The following EPHA1 variants were observed in gnomAD, a reference collection of about 807,000 sequenced individuals.
The protein encoded by EPHA1 is ephrin type-A receptor 1.
EPHA1 carries 92 observed loss-of-function variants against 110.1 expected under a neutral mutation model. That is an observed-to-expected ratio of 0.84 (90% confidence interval 0.71 to 0.99). The LOEUF is 0.99. Among genes scored for constraint, EPHA1 ranks in the 50% least tolerant of loss-of-function variants. The pLI is 0.00. For missense variants in EPHA1, 1,204 were observed against 1,285.4 expected (o/e 0.94, Z 0.97); for synonymous variants, 500 against 516.1 (o/e 0.97, Z 0.42).
Position 143,399,350 on chromosome 7 carries a change from T to A in EPHA1, c.899A>T (p.Gln300Leu). The change falls in exon 5 of 18, where the codon CAG becomes CTG. Residue 300 changes from glutamine (Q) to leucine (L), a missense_variant. Transcript: ENST00000275815. ...DTPHCLTCPQ[Q>L]STAESEGATI... ...GGCCCCCTCAGACTCAGCAGTGCTC[T>A]GCTGGGGGCACGTGAGACAATGGGG... The A allele has an allele frequency of 3.1e-6, 5 of 1,612,184 alleles. No homozygotes were observed. The highest frequency in any genetic ancestry group is 4.2e-6 in the Non-Finnish European group (5 of 1,179,378).
At position 143,393,764 on chromosome 7, in the gene EPHA1, G is replaced by C. The variant is rs1371180068; in HGVS notation, c.2603C>G (p.Ala868Gly). The C allele has an allele frequency of 2.5e-6, 4 of 1,613,324 alleles. No individual in the cohort carries two copies. The highest frequency in any genetic ancestry group is 3.3e-5 in the Admixed American group (2 of 59,892). ...LMKNCWAYDR[A>G]RRPHFQKLQA... ...AAGCTTCTGGAAGTGTGGCCGGCGG[G>C]CACGGTCATATGCCCAGCAGTTCTT... The change falls in exon 16 of 18, where the codon GCC becomes GGC. Residue 868 changes from alanine (A) to glycine (G), a missense_variant. Transcript: ENST00000275815. This position sits in a 1 kb window ranked among gnomAD's most constrained non-coding sequence, Gnocchi z 5.6.
At chr7:143,396,785 A>C (rs1805264348) in intron 10 of EPHA1, 1 of 396,880 alleles carries the variant, frequency 2.5e-6, no homozygotes, top group Non-Finnish European at 4.7e-6. Flanking sequence ...TGAGTTGCCC[A>C]ATCTTCTCAG....
intron 2 of EPHA1, among the ~76,000 whole-genome samples, chr7:143,404,691 A>T (rs1805499246): frequency 6.6e-6 from 1 of 152,070 alleles, no homozygotes; most frequent in African/African-American, 2.4e-5. Flanking sequence ...AACCTGAGTG[A>T]TCTTGTGCAA....
intron 2 of EPHA1, among the ~76,000 whole-genome samples, chr7:143,405,662 G>C (rs1805530069): frequency 6.6e-6 from 1 of 152,316 alleles, no homozygotes; most frequent in Non-Finnish European, 1.5e-5. Context: ...GGAGCCAGAA[G>C]TCTGACCTGC....
chr7:143,397,823 A>G (rs1191843013), intron 8 of EPHA1, 97 bp downstream of exon 8: 1 of 1,553,536 alleles, frequency 6.4e-7, no homozygotes, highest in South Asian at 1.2e-5. Flanking sequence ...GCATGTGTGT[A>G]GAGGAAGAGG....
chr7:143,395,136 C>T lies in EPHA1; in HGVS notation c.2130G>A (p.Leu710=). ...CCCTCCTCACCCTCAGGAAGGCATC[C>T]AGGGCTCCATTCTCCATAAATTCTG... The part of the protein sequence containing the change: ...IITEFMENGA[L]DAFLREREDQ... The change falls in exon 13 of 18, where the codon CTG becomes CTA. Residue 710 remains leucine, a synonymous_variant. Transcript: ENST00000275815. The surrounding 1 kb of genome is among the most constrained non-coding windows in gnomAD (Gnocchi z 4.7). 6.2e-7 allele frequency: 1 copy of T among 1,614,058 alleles called. No individual in the cohort carries two copies. Among genetic ancestry groups the T allele is most frequent in the South Asian group, 1.1e-5 (1 of 91,072 alleles).
At chr7:143,402,965 C>T (rs564754457) in intron 2 of EPHA1, among the ~76,000 whole-genome samples, 87 of 152,344 alleles carry the variant, frequency 5.7e-4, no homozygotes, top group African/African-American at 2.0e-3. Flanking sequence ...ACTTTCCAGA[C>T]CATTTTTCAA....
chr7:143,401,416 C>T lies in EPHA1; in HGVS notation c.340G>A (p.Gly114Arg), dbSNP rs530283884. ...RDCKSFPGGA[G>R]PLGCKETFNL... ...AAGGTCTCCTTGCAGCCCAGAGGCC[C>T]GGCTCCCCCAGGGAAACTCTTGCAG... The change falls in exon 3 of 18, where the codon GGG (glycine) becomes AGG (arginine). Residue 114 changes from glycine to arginine, a missense_variant. Transcript: ENST00000275815. The surrounding 1 kb of genome is among the most constrained non-coding windows in gnomAD (Gnocchi z 4.1). 4.2e-5 allele frequency: 67 copies of T among 1,614,124 alleles called. No individual in the cohort carries two copies. Among genetic ancestry groups the T allele is most frequent in the East Asian group, 3.8e-4 (17 of 44,878 alleles).
At chr7:143,399,233 G>A in intron 5 of EPHA1, 25 bp downstream of exon 5, 4 of 1,600,146 alleles carry the variant, frequency 2.5e-6, no homozygotes, top group Non-Finnish European at 3.4e-6. Context: ...CCTCCAGATG[G>A]CCACGCCCCA....
intron 3 of EPHA1, chr7:143,400,958 A>C: frequency 3.7e-6 from 1 of 269,150 alleles, no homozygotes; most frequent in Non-Finnish European, 7.2e-6. Flanking sequence ...CAGTGGCACA[A>C]TCATAGATCA....
In EPHA1 at chr7:143,394,865, CA is replaced by C; in HGVS notation, c.2294del (p.Val765GlyfsTer6). 1 of 1,614,150 alleles carries C rather than the reference CA, an allele frequency of 6.2e-7. No individual in the cohort carries two copies. The highest frequency in any genetic ancestry group is 2.2e-5 in the East Asian group (1 of 44,878). ...GGAGGCGAGTCAGGCCAAAGTCAGACACCTTGCAGCACAGGTTTTGATTCAC... is the reference window on the plus strand; with the variant it reads ...GGAGGCGAGTCAGGCCAAAGTCAGACCCTTGCAGCACAGGTTTTGATTCAC... ...ILVNQNLCCKVSDFGLTRLLD... is the reference protein window; with the variant it reads ...ILVNQNLCCKXSDFGLTRLLD... On this transcript the variant is annotated frameshift_variant, in exon 14 of 18. Coordinates refer to ENST00000275815, the MANE Select transcript of EPHA1 (RefSeq NM_005232.5). LOFTEE classifies it high-confidence loss of function.
rs763368841 is a variant in EPHA1, at chr7:143,395,152, A to G, written c.2114T>C (p.Met705Thr). The change falls in exon 13 of 18, where the codon ATG becomes ACG. Residue 705 changes from methionine (M) to threonine (T), a missense_variant. Physicochemically the swap from Met to Thr is moderately conservative, Grantham distance 81. Transcript: ENST00000275815. This position sits in a 1 kb window ranked among gnomAD's most constrained non-coding sequence, Gnocchi z 4.7. The stretch of plus-strand genomic sequence containing the variant: ...GAAGGCATCCAGGGCTCCATTCTCC[A>G]TAAATTCTGTGATGATCATGATCGG... ...RKPIMIITEF[M>T]ENGALDAFLR... 3 of 1,613,938 alleles carry G rather than the reference A, an allele frequency of 1.9e-6. No homozygotes were observed. The highest frequency in any genetic ancestry group is 2.5e-6 in the Non-Finnish European group (3 of 1,180,010).
In EPHA1 at chr7:143,395,969, C is replaced by A. The variant is rs1234003698; in HGVS notation, c.1897+416G>T. 1.3e-5 allele frequency among the ~76,000 whole-genome samples: 2 copies of A among 152,180 alleles called. No individual in the cohort carries two copies. Among genetic ancestry groups the A allele is most frequent in the African/African-American group, 4.8e-5 (2 of 41,442 alleles). ...CACTGAGATCCATTTCCTCTGGTGA[C>A]CCAAGGGAACAGGGCAGCCCAAGGA... On this transcript the variant is annotated intron_variant, in intron 11 of 17. Transcript: ENST00000275815. The surrounding 1 kb of genome is among the most constrained non-coding windows in gnomAD (Gnocchi z 4.7).
At chr7:143,394,775 T>G (rs1232018936) in intron 14 of EPHA1, 33 bp downstream of exon 14, 1 of 1,611,850 alleles carries the variant, frequency 6.2e-7, no homozygotes, top group African/African-American at 1.3e-5. Flanking sequence ...CGGGGCAATG[T>G]GAATGTGCAC....
In EPHA1 at chr7:143,395,233, GCCACACATCCTCCCT is replaced by G; in HGVS notation, c.2084-66_2084-52del. On this transcript the variant is annotated intron_variant, in intron 12 of 17. Transcript: ENST00000275815. The surrounding 1 kb of genome is among the most constrained non-coding windows in gnomAD (Gnocchi z 4.7). ...CTCAGAACCGGGCTTCCTGCCCTTGGCCACACATCCTCCCTCCACTTCCAGTGGTTTCACCCCTCT... is the reference window on the plus strand; with the variant it reads ...CTCAGAACCGGGCTTCCTGCCCTTGGCCACTTCCAGTGGTTTCACCCCTCT... 6.2e-7 allele frequency: 1 copy of G among 1,612,886 alleles called. No homozygotes were observed. The highest frequency in any genetic ancestry group is 8.5e-7 in the Non-Finnish European group (1 of 1,179,874).
Position 143,401,616 on chromosome 7 carries a change from G to A in EPHA1, c.151-11C>T. 10 of 1,605,124 alleles carry A rather than the reference G, an allele frequency of 6.2e-6. No individual in the cohort carries two copies. Among genetic ancestry groups the A allele is most frequent in the Non-Finnish European group, 8.5e-6 (10 of 1,172,682 alleles). ...TTGCTGTTCACTCCACTGCAAGGAG[G>A]AAATCAGAGTCAGGGACCAGATCAT... On this transcript the variant is annotated splice_polypyrimidine_tract_variant and intron_variant, in intron 2 of 17. Transcript: ENST00000275815. The surrounding 1 kb of genome is among the most constrained non-coding windows in gnomAD (Gnocchi z 4.1).
At chr7:143,397,463 G>A in intron 9 of EPHA1, 98 bp downstream of exon 9, 1 of 1,587,776 alleles carries the variant, frequency 6.3e-7, no homozygotes, top group Non-Finnish European at 8.6e-7. Context: ...GGGAGTGCAG[G>A]ATGGGTTTTG....
intron 6 of EPHA1, 70 bp from the exon 7 acceptor site, chr7:143,398,518 C>T: frequency 3.1e-6 from 5 of 1,609,142 alleles, no homozygotes; most frequent in Admixed American, 3.3e-5. Context: ...TTTTCTATGG[C>T]TTCCTGCCCA....
At position 143,396,400 on chromosome 7, in the gene EPHA1, T is replaced by C. The variant is rs1429662347; in HGVS notation, c.1882A>G (p.Thr628Ala). ...CAGGACTCACCTTCTCCTATGACAG[T>C]GTCCACCATCAGCCACGCTGGATCA... ...ELDPAWLMVD[T>A]VIGEGEFGEV... The change falls in exon 11 of 18, where the codon ACT becomes GCT. Residue 628 changes from threonine (T) to alanine (A), a missense_variant. Transcript: ENST00000275815. 2 of 1,612,676 alleles carry C rather than the reference T, an allele frequency of 1.2e-6. No homozygotes were observed. Among genetic ancestry groups the C allele is most frequent in the South Asian group, 1.1e-5 (1 of 90,906 alleles).
Sources: gnomAD v4.1 joint callset for allele counts (sites outside exome capture counted in the v4.1 genomes callset) on GRCh38, gnomAD v4.1.1 for gene constraint, Gnocchi (gnomAD v3.1) non-coding constraint, MANE v1.5 for transcripts, NCBI Gene and HGNC (gene_info 2026-07-23, HGNC 2026-07-21) for gene names.